PSD2: variants seen among roughly 807,000 people sequenced by gnomAD.
PSD2 encodes the protein pleckstrin and Sec7 domain containing 2.
Under a neutral mutation model 69.8 loss-of-function variants are expected in PSD2, and 38 were observed. The observed-to-expected ratio is 0.54, with a 90% CI of 0.42 to 0.71. The LOEUF (loss-of-function observed/expected upper bound fraction) is 0.71, where lower values mean the gene tolerates loss of function less well. Among genes scored for constraint, PSD2 ranks in the 30% least tolerant of loss-of-function variants. PSD2 has a pLI of 0.00. For missense variants in PSD2, 943 were observed against 1,014.5 expected (o/e 0.93, Z 0.96); for synonymous variants, 412 against 423.0 (o/e 0.97, Z 0.32).
chr5:139,822,839 T>G, intron 7 of PSD2, 55 bp downstream of exon 7: 3 of 1,478,428 alleles, frequency 2.0e-6, no homozygotes, highest in Non-Finnish European at 2.8e-6. Flanking sequence ...ACCCACCTTG[T>G]GTTGATCCCG....
intron 7 of PSD2, among the ~76,000 whole-genome samples, chr5:139,823,573 C>G (rs1332059118): frequency 1.3e-5 from 2 of 152,128 alleles, no homozygotes; most frequent in East Asian, 3.9e-4. Context: ...AGATTCTACT[C>G]TTGCCTCCAC....
chr5:139,774,773 AGCCACT>A, the PSD2 span, among the ~76,000 whole-genome samples: 1 of 152,184 alleles, frequency 6.6e-6, no homozygotes, highest in African/African-American at 2.4e-5. Flanking sequence ...TACAGGCGTG[AGCCACT>A]GCGCCCGGCC....
chr5:139,756,097 C>G, the PSD2 span, among the ~76,000 whole-genome samples: 2 of 152,152 alleles, frequency 1.3e-5, no homozygotes, highest in African/African-American at 4.8e-5. Context: ...GGCTGAGCCT[C>G]GGTAATTTCC....
At chr5:139,779,558 CA>C in the PSD2 span, among the ~76,000 whole-genome samples, 1 of 152,106 alleles carries the variant, frequency 6.6e-6, no homozygotes, top group Admixed American at 6.6e-5. Context: ...TCTATGAAGG[CA>C]AAATTTTTTA....
chr5:139,806,216 G>A (rs1020192931), intron 1 of PSD2, among the ~76,000 whole-genome samples: 9 of 152,272 alleles, frequency 5.9e-5, no homozygotes, highest in Non-Finnish European at 1.2e-4. Context: ...ATTTGCAGGC[G>A]TCTCCTTGGG....
At chr5:139,785,363 A>G in the PSD2 span, among the ~76,000 whole-genome samples, 1 of 151,814 alleles carries the variant, frequency 6.6e-6, no homozygotes, top group Non-Finnish European at 1.5e-5. Flanking sequence ...AGCTGGGACT[A>G]TAGGCATGCA....
At chr5:139,755,412 G>A in the PSD2 span, among the ~76,000 whole-genome samples, 2 of 152,104 alleles carry the variant, frequency 1.3e-5, no homozygotes, top group Non-Finnish European at 2.9e-5. Context: ...GTGTGCGTGG[G>A]TATCTTTGGG....
rs1013016138 is a variant in PSD2, at chr5:139,813,726, G to C, written c.789G>C (p.Glu263Asp). ...QGPGGDEDDD[E>D]EDTDKLLNSA... ...CAGGGGGGGATGAGGATGATGATGA[G>C]GAGGACACGGACAAGTTGCTGAACT... Residue 263 changes from glutamate to aspartate, a missense_variant, in exon 3 of 15, where the codon GAG becomes GAC. Physicochemically the swap from Glu to Asp is conservative, Grantham distance 45. Around this residue, in one of 3 missense-constraint regions of PSD2, gnomAD observed 466 missense variants for 445.0 expected, o/e 1.05. Coordinates refer to ENST00000274710, the MANE Select transcript of PSD2 (RefSeq NM_032289.4). 1.2e-6 allele frequency: 2 copies of C among 1,609,970 alleles called. No individual in the cohort carries two copies. Among genetic ancestry groups the C allele is most frequent in the African/African-American group, 2.7e-5 (2 of 74,892 alleles).
Position 139,837,497 on chromosome 5 carries a change from T to C in PSD2, c.1666-128T>C, listed in dbSNP as rs763139687. On this transcript the variant is annotated intron_variant, in intron 11 of 14. Coordinates refer to ENST00000274710, the MANE Select transcript of PSD2 (RefSeq NM_032289.4). The surrounding 1 kb of genome is among the most constrained non-coding windows in gnomAD (Gnocchi z 5.0). ...AAGGGGAGGAGTACCTGGATTCTTG[T>C]TGGGGTGGGTGAGGCAGCAGGAACA... 2.8e-5 allele frequency: 28 copies of C among 1,016,200 alleles called. No individual in the cohort carries two copies. Among genetic ancestry groups the C allele is most frequent in the Admixed American group, 5.1e-5 (2 of 39,382 alleles). The allele number at this position is 1,016,200 out of a possible 1,614,324, so 62.9% of individuals were successfully genotyped here. A position where few individuals can be genotyped will look rare whatever the true frequency, so the allele number is the denominator to read the frequency against.
chr5:139,829,023 G>A (rs1425382474), intron 7 of PSD2, among the ~76,000 whole-genome samples: 1 of 151,242 alleles, frequency 6.6e-6, no homozygotes, highest in African/African-American at 2.4e-5. Flanking sequence ...AATGGGGTGG[G>A]AGGGAGGGGA....
chr5:139,823,768 A>G (rs193181058), intron 7 of PSD2, among the ~76,000 whole-genome samples: 1 of 152,332 alleles, frequency 6.6e-6, no homozygotes, highest in Admixed American at 6.5e-5. Flanking sequence ...ATTGTTACGT[A>G]AAAAGAACAA....
the PSD2 span, among the ~76,000 whole-genome samples, chr5:139,770,540 T>G: frequency 2.6e-5 from 4 of 152,106 alleles, no homozygotes; most frequent in Non-Finnish European, 5.9e-5. Flanking sequence ...CACTCCAGCC[T>G]GGGCAACAGA....
the PSD2 span, among the ~76,000 whole-genome samples, chr5:139,754,720 T>G: frequency 6.7e-6 from 1 of 150,074 alleles, no homozygotes; most frequent in Non-Finnish European, 1.5e-5. Context: ...TAAAATAAGT[T>G]AAAAAAAATT....
Position 139,838,772 on chromosome 5 carries a change from G to C in PSD2, c.1968G>C (p.Gln656His). ...CCTCCTGCACCACCCGCCTCTGCCAGGTACATGTTCCTGGGTCAACATTTT... is the reference window on the plus strand; with the variant it reads ...CCTCCTGCACCACCCGCCTCTGCCACGTACATGTTCCTGGGTCAACATTTT... ...LLPSCTTRLC[Q>H]EEQLRSHENK... The change falls in exon 13 of 15, where the codon CAG becomes CAC. Residue 656 changes from glutamine to histidine, a missense_variant and splice_region_variant. Coordinates refer to ENST00000274710, the MANE Select transcript of PSD2 (RefSeq NM_032289.4). The C allele has an allele frequency of 6.2e-7, 1 of 1,611,188 alleles. No individual in the cohort carries two copies. The highest frequency in any genetic ancestry group is 8.5e-7 in the Non-Finnish European group (1 of 1,178,506).
rs1465962026 is a variant in PSD2 at position 139,837,353 on chromosome 5, G to T, written c.1665+115G>T. ...GACCTGGGGCTCAGGCACATGCTGG[G>T]TCCTTCCCCAGACTTGGGCCCTCTC... On this transcript the variant is annotated intron_variant, in intron 11 of 14. Transcript: ENST00000274710. The surrounding 1 kb of genome is among the most constrained non-coding windows in gnomAD (Gnocchi z 5.0). 2.8e-6 allele frequency: 3 copies of T among 1,078,630 alleles called. No individual in the cohort carries two copies. The African/African-American group carries it at 4.8e-5, about 17-fold the overall frequency. 66.8% of individuals were successfully genotyped at this position (1,078,630 alleles called of 1,614,324 possible). A position where few individuals can be genotyped will look rare whatever the true frequency, so the allele number is the denominator to read the frequency against.
the PSD2 span, among the ~76,000 whole-genome samples, chr5:139,757,845 G>T: frequency 6.6e-6 from 1 of 152,132 alleles, no homozygotes; most frequent in Non-Finnish European, 1.5e-5. Context: ...GAGAATGGAG[G>T]AGTACAGGTC....
At chr5:139,784,963 T>G in the PSD2 span, among the ~76,000 whole-genome samples, 3 of 152,054 alleles carry the variant, frequency 2.0e-5, no homozygotes, top group African/African-American at 7.2e-5. Context: ...TTTAGCATGT[T>G]GGCCAGGCTG....
At chr5:139,779,248 C>A in the PSD2 span, among the ~76,000 whole-genome samples, 1 of 152,218 alleles carries the variant, frequency 6.6e-6, no homozygotes, top group Non-Finnish European at 1.5e-5. Flanking sequence ...GTATACACTG[C>A]ACCCAATTTG....
chr5:139,826,357 C>A (rs1166746260), intron 7 of PSD2, among the ~76,000 whole-genome samples: 1 of 152,210 alleles, frequency 6.6e-6, no homozygotes, highest in Non-Finnish European at 1.5e-5. Context: ...ATCAACCCAA[C>A]AGACAAGATG....
Sources: allele counts gnomAD v4.1 joint callset (sites outside exome capture counted in the v4.1 genomes callset), GRCh38; gene constraint gnomAD v4.1.1; regional missense constraint gnomAD v4.1.1; non-coding constraint Gnocchi (gnomAD v3.1); transcripts MANE v1.5; gene names NCBI Gene and HGNC (gene_info 2026-07-23, HGNC 2026-07-21).